Variants in RHOJ observed in about 807,000 individuals in gnomAD.
RHOJ encodes the protein ras homolog family member J, also known as rho-related GTP-binding protein RhoJ.
RHOJ carries 11 observed loss-of-function variants against 23.4 expected under a neutral mutation model. The ratio of observed to expected loss-of-function variants is 0.47; its 90% CI spans 0.30 to 0.78. The LOEUF is 0.78. Ranked by LOEUF, RHOJ falls within the 30% of genes least tolerant of loss-of-function variation. The probability of loss-of-function intolerance (pLI) is 0.08; values close to 1 mark genes in which losing one functional copy is unlikely to be tolerated. For missense variants in RHOJ, 254 were observed against 273.4 expected, an observed-to-expected ratio of 0.93 and a Z score of 0.50; for synonymous variants, 102 against 102.7, an observed-to-expected ratio of 0.99 and a Z score of 0.04.
intron 1 of RHOJ, among the ~76,000 whole-genome samples, 173 bp from the exon 2 acceptor site, chr14:63,268,937 G>T (rs1594772941): frequency 6.6e-6 from 1 of 152,260 alleles, no homozygotes; most frequent in East Asian, 1.9e-4. Flanking sequence ...GCAGCCCAAG[G>T]TTACCTTTCA....
rs1413658673 is a variant in RHOJ, at chr14:63,204,637, G to A, written c.-233G>A. On this transcript the variant is annotated 5_prime_UTR_variant, in exon 1 of 5. Transcript: ENST00000316754. ...GAGGGTTTCTTAACTCACACTGAGA[G>A]CGGAAAGGGGCAGACCCTTTTCATA... 3.6e-6 allele frequency: 2 copies of A among 558,922 alleles called. No individual in the cohort carries two copies. The highest frequency in any genetic ancestry group is 1.9e-5 in the African/African-American group (1 of 52,898). The allele number at this position is 558,922 out of a possible 1,614,324, so 34.6% of individuals were successfully genotyped here.
intron 1 of RHOJ, among the ~76,000 whole-genome samples, chr14:63,250,251 TTTG>T (rs974156675): frequency 7.2e-5 from 11 of 152,080 alleles, no homozygotes; most frequent in African/African-American, 2.7e-4. Context: ...GTTTGTTTGT[TTTG>T]TTTTGTTTGA....
chr14:63,270,745 A>AAGT (rs1489370456), intron 2 of RHOJ, among the ~76,000 whole-genome samples: 2 of 152,166 alleles, frequency 1.3e-5, no homozygotes, highest in Non-Finnish European at 2.9e-5. Flanking sequence ...TACTAATATA[A>AAGT]TCCTGTTTGA....
intron 1 of RHOJ, among the ~76,000 whole-genome samples, chr14:63,264,076 G>A (rs1339888976): frequency 3.3e-5 from 5 of 151,914 alleles, no homozygotes; most frequent in Non-Finnish European, 7.4e-5. Flanking sequence ...TGAGGTTTGG[G>A]GTGTGATAGT....
chr14:63,263,695 C>T (rs150440434), intron 1 of RHOJ, among the ~76,000 whole-genome samples: 47 of 152,282 alleles, frequency 3.1e-4, no homozygotes, highest in African/African-American at 1.1e-3. Flanking sequence ...CCTCCCTTCC[C>T]CCACCATTTT....
At chr14:63,278,150 T>C (rs1041054570) in intron 2 of RHOJ, among the ~76,000 whole-genome samples, 1 of 152,162 alleles carries the variant, frequency 6.6e-6, no homozygotes, top group African/African-American at 2.4e-5. Flanking sequence ...TTTTTTTGTT[T>C]TGGGTTTATT....
intron 2 of RHOJ, among the ~76,000 whole-genome samples, chr14:63,277,221 T>C (rs1881744877): frequency 6.6e-6 from 1 of 152,202 alleles, no homozygotes; most frequent in Non-Finnish European, 1.5e-5. Flanking sequence ...CTTCCTCTTC[T>C]ATGAAATGTG....
At chr14:63,245,292 AT>A (rs1280905818) in intron 1 of RHOJ, among the ~76,000 whole-genome samples, 1 of 151,664 alleles carries the variant, frequency 6.6e-6, no homozygotes, top group Non-Finnish European at 1.5e-5. Flanking sequence ...GTCTTGCTTC[AT>A]TAAAAAAAAA....
At position 63,291,621 on chromosome 14, in the gene RHOJ, G is replaced by A. The variant is rs529391738; in HGVS notation, c.*597G>A. 2.5e-5 allele frequency: 4 copies of A among 157,476 alleles called. No homozygotes were observed. Among genetic ancestry groups the A allele is most frequent in the African/African-American group, 7.2e-5 (3 of 41,552 alleles). The allele number at this position is 157,476 out of a possible 1,614,324, so 9.8% of individuals were successfully genotyped here. ...CAGCATGTTTCTACCAAAGCTATTA[G>A]AACCAACACGTACCTCTGAATGCCC... is the stretch of plus-strand genomic sequence containing the variant. On this transcript the variant is annotated 3_prime_UTR_variant, in exon 5 of 5. Coordinates refer to ENST00000316754, the MANE Select transcript of RHOJ (RefSeq NM_020663.5).
At chr14:63,288,412 TG>T (rs1313436051) in intron 4 of RHOJ, 1 of 846,922 alleles carries the variant, frequency 1.2e-6, no homozygotes, top group Non-Finnish European at 1.4e-6. Context: ...GATAGAAAGG[TG>T]CTACAGCAGT....
intron 4 of RHOJ, among the ~76,000 whole-genome samples, chr14:63,289,145 A>T (rs1882172081): frequency 6.6e-6 from 1 of 152,238 alleles, no homozygotes; most frequent in Non-Finnish European, 1.5e-5. Context: ...GCTGCTGCCA[A>T]ATATATCCCA....
rs182717650 is a variant in RHOJ at position 63,249,910 on chromosome 14, T to C, written c.179-19200T>C. 1.2e-3 allele frequency among the ~76,000 whole-genome samples: 189 copies of C among 152,298 alleles called. 2 individuals are homozygous for C. Among genetic ancestry groups the C allele is most frequent in the African/African-American group, 4.2e-3 (173 of 41,568 alleles). On this transcript the variant is annotated intron_variant, in intron 1 of 4. Transcript: ENST00000316754. ...CCACGTTAGAGACAAAGATAATGTCTCCTAGGAAGCATGTCAAATTTGCAC... is the reference window on the plus strand; with the variant it reads ...CCACGTTAGAGACAAAGATAATGTCCCCTAGGAAGCATGTCAAATTTGCAC...
intron 4 of RHOJ, among the ~76,000 whole-genome samples, chr14:63,283,858 G>C (rs1045689968): frequency 1.3e-5 from 2 of 152,190 alleles, no homozygotes; most frequent in Admixed American, 1.3e-4. Context: ...TTAAGAAAAT[G>C]CTTTAGAAAG....
chr14:63,279,564 C>T (rs920870249), intron 2 of RHOJ, among the ~76,000 whole-genome samples: 1 of 152,148 alleles, frequency 6.6e-6, no homozygotes, highest in African/African-American at 2.4e-5. Context: ...TTCCCAAAGT[C>T]GAAATGATGC....
At chr14:63,217,488 T>A (rs8011694) in intron 1 of RHOJ, among the ~76,000 whole-genome samples, 15 of 151,592 alleles carry the variant, frequency 9.9e-5, no homozygotes, top group Non-Finnish European at 2.2e-4. Context: ...GCTAGCCATA[T>A]GTAGAAAGCT....
intron 1 of RHOJ, among the ~76,000 whole-genome samples, chr14:63,245,946 T>C (rs1466447551): frequency 6.6e-6 from 1 of 152,186 alleles, no homozygotes. Context: ...AATCAGGTAA[T>C]GGATGTTATT....
intron 2 of RHOJ, among the ~76,000 whole-genome samples, chr14:63,279,958 T>C (rs1881846811): frequency 6.6e-6 from 1 of 152,208 alleles, no homozygotes; most frequent in African/African-American, 2.4e-5. Context: ...TCCAACATGA[T>C]GGAAGAATTG....
chr14:63,290,788 G>A, intron 4 of RHOJ, 90 bp from the exon 5 acceptor site: 1 of 1,293,798 alleles, frequency 7.7e-7, no homozygotes, highest in Non-Finnish European at 1.1e-6. Context: ...AGGACAGGCA[G>A]AAGTAAGTGC....
rs1194907891 is a variant in RHOJ at position 63,293,341 on chromosome 14, C to T, written c.*2317C>T. The T allele has an allele frequency of 6.6e-6, 1 of 152,130 alleles. No individual in the cohort carries two copies. The highest frequency in any genetic ancestry group is 1.5e-5 in the Non-Finnish European group (1 of 68,038). The allele number at this position is 152,130 out of a possible 1,614,324, so 9.4% of individuals were successfully genotyped here. A position where few individuals can be genotyped will look rare whatever the true frequency, so the allele number is the denominator to read the frequency against. ...GTGCACTCAACAGGCAAATAGCTCC[C>T]GAGGTCACCACTTCCCTAATGGGCC... is the stretch of plus-strand genomic sequence containing the variant. On this transcript the variant is annotated 3_prime_UTR_variant, in exon 5 of 5. Coordinates refer to ENST00000316754, the MANE Select transcript of RHOJ (RefSeq NM_020663.5).
Sources: allele counts gnomAD v4.1 joint callset (sites outside exome capture counted in the v4.1 genomes callset), GRCh38; gene constraint gnomAD v4.1.1; transcripts MANE v1.5; gene names NCBI Gene and HGNC (gene_info 2026-07-23, HGNC 2026-07-21).